The following DCHS2 variants were observed in gnomAD, a reference collection of about 807,000 sequenced individuals.
The protein encoded by DCHS2 is protocadherin-23.
Under a neutral mutation model 182.4 loss-of-function variants are expected in DCHS2, and 142 were observed. The ratio of observed to expected loss-of-function variants is 0.78; its 90% CI spans 0.68 to 0.89. The LOEUF (loss-of-function observed/expected upper bound fraction) is 0.89, where lower values mean the gene tolerates loss of function less well. Ranked by LOEUF, DCHS2 falls within the 40% of genes least tolerant of loss-of-function variation. The pLI is 0.00. For missense variants in DCHS2, 4,319 were observed against 4,198.6 expected (o/e 1.03, Z -0.79); for synonymous variants, 1,740 against 1,663.3 (o/e 1.05, Z -1.12).
At chr4:154,454,456 C>T (rs553734160) in intron 1 of DCHS2, among the ~76,000 whole-genome samples, 1 of 152,196 alleles carries the variant, frequency 6.6e-6, no homozygotes, top group South Asian at 2.1e-4. Flanking sequence ...GTTGCCCAGG[C>T]TAACAATCTA....
At chr4:154,371,167 A>G (rs1025380123) in intron 2 of DCHS2, among the ~76,000 whole-genome samples, 1 of 152,098 alleles carries the variant, frequency 6.6e-6, no homozygotes, top group Non-Finnish European at 1.5e-5. Flanking sequence ...ACAAAGTGTG[A>G]AAGTCCTAAG....
rs1484804650 is a variant in DCHS2, at chr4:154,239,289, T to C, written c.7373A>G (p.Glu2458Gly). Residue 2458 changes from glutamate (E) to glycine (G), a missense_variant, in exon 19 of 20, where the codon GAA (glutamate) becomes GGA (glycine). Coordinates refer to ENST00000357232, the MANE Select transcript of DCHS2 (RefSeq NM_001358235.2). Reference sequence around the variant, plus strand: ...CACTGAATACCCCACAGGTATTGATTCAGGAACTGTGACCTGAGGGAAAAA... The same window carrying C: ...CACTGAATACCCCACAGGTATTGATCCAGGAACTGTGACCTGAGGGAAAAA... Reference protein sequence around the residue: ...SQDFYQVTVPESIPVGYSVLT... With the variant: ...SQDFYQVTVPGSIPVGYSVLT... 6.2e-7 allele frequency: 1 copy of C among 1,612,480 alleles called. No individual in the cohort carries two copies. Among genetic ancestry groups the C allele is most frequent in the East Asian group, 2.2e-5 (1 of 44,770 alleles).
intron 13 of DCHS2, among the ~76,000 whole-genome samples, chr4:154,281,338 G>C (rs1164432016): frequency 6.6e-6 from 1 of 152,018 alleles, no homozygotes; most frequent in Non-Finnish European, 1.5e-5. Context: ...AAAGTTGCAG[G>C]ATACAAAAAT....
intron 1 of DCHS2, among the ~76,000 whole-genome samples, chr4:154,459,364 G>A (rs1475272344): frequency 6.6e-6 from 1 of 151,802 alleles, no homozygotes; most frequent in Non-Finnish European, 1.5e-5. Flanking sequence ...TTTCTTCAAA[G>A]GAATTTTACG....
intron 1 of DCHS2, among the ~76,000 whole-genome samples, chr4:154,410,696 G>A: frequency 6.6e-6 from 1 of 151,310 alleles, no homozygotes; most frequent in African/African-American, 2.4e-5. Flanking sequence ...GATAGGGACA[G>A]AAGCTTATTT....
In DCHS2 at chr4:154,491,495, T is replaced by A; in HGVS notation, c.-140A>T. The stretch of plus-strand genomic sequence containing the variant: ...GCAAACAAACCGACGGCCCAGGAAT[T>A]CCCGAGGTTACATCTGCAACTGGTG... On this transcript the variant is annotated 5_prime_UTR_variant, in exon 1 of 20. Transcript: ENST00000357232. The A allele has an allele frequency of 7.1e-7, 1 of 1,403,368 alleles. No individual in the cohort carries two copies. Among genetic ancestry groups the A allele is most frequent in the Non-Finnish European group, 9.2e-7 (1 of 1,084,518 alleles). The allele number at this position is 1,403,368 out of a possible 1,614,324, so 86.9% of individuals were successfully genotyped here.
At chr4:154,475,310 T>G (rs1735640251) in intron 1 of DCHS2, among the ~76,000 whole-genome samples, 1 of 152,180 alleles carries the variant, frequency 6.6e-6, no homozygotes, top group African/African-American at 2.4e-5. Context: ...ATCTTAAAAT[T>G]TATTAGCCAA....
Position 154,297,764 on chromosome 4 carries a change from G to A in DCHS2, c.6463+87C>T, listed in dbSNP as rs563805515. 194 of 1,512,262 alleles carry A rather than the reference G, an allele frequency of 1.3e-4. No individual in the cohort carries two copies. The African/African-American group carries it at 2.1e-3, about 16-fold the overall frequency. 93.7% of individuals were successfully genotyped at this position (1,512,262 alleles called of 1,614,324 possible). ...AACTAAAAAATGTATAACTGAATGC[G>A]CAATGGCACTCTTGTAGTATAATCC... On this transcript the variant is annotated intron_variant, in intron 13 of 19. Coordinates refer to ENST00000357232, the MANE Select transcript of DCHS2 (RefSeq NM_001358235.2).
intron 1 of DCHS2, among the ~76,000 whole-genome samples, chr4:154,428,193 T>C (rs1044121149): frequency 6.6e-6 from 1 of 151,824 alleles, no homozygotes; most frequent in African/African-American, 2.4e-5. Flanking sequence ...ATAAAGCAAG[T>C]CATACAAAAA....
In DCHS2 at chr4:154,367,201, C is replaced by T. The variant is rs185333561; in HGVS notation, c.2245-760G>A. 3.4e-3 allele frequency among the ~76,000 whole-genome samples: 521 copies of T among 152,286 alleles called. 1 individual carries two copies. The highest frequency in any genetic ancestry group is 6.0e-3 in the Non-Finnish European group (406 of 68,026). On this transcript the variant is annotated intron_variant, in intron 2 of 19. Transcript: ENST00000357232. ...GGTCTCTGGAAGGACATGGTTCTTCCTCACAGGAGGGCTTTGAGCACAAGA... is the reference window on the plus strand; with the variant it reads ...GGTCTCTGGAAGGACATGGTTCTTCTTCACAGGAGGGCTTTGAGCACAAGA...
chr4:154,293,493 C>A (rs1172342528), intron 13 of DCHS2, among the ~76,000 whole-genome samples: 1 of 152,064 alleles, frequency 6.6e-6, no homozygotes, highest in Non-Finnish European at 1.5e-5. Flanking sequence ...GTATTAGGAA[C>A]TTTTTAAATC....
At chr4:154,295,265 A>G (rs1274700709) in intron 13 of DCHS2, among the ~76,000 whole-genome samples, 2 of 152,226 alleles carry the variant, frequency 1.3e-5, no homozygotes, top group African/African-American at 4.8e-5. Flanking sequence ...CCTTCCCTAC[A>G]GCTAACTTGG....
intron 1 of DCHS2, among the ~76,000 whole-genome samples, chr4:154,404,567 ATTT>A (rs947017886): frequency 3.2e-4 from 48 of 152,240 alleles, no homozygotes; most frequent in African/African-American, 1.1e-3. Context: ...ATATTCTTGG[ATTT>A]TTTGTTTGTA....
chr4:154,269,679 G>T (rs1324376482), intron 14 of DCHS2, among the ~76,000 whole-genome samples: 1 of 152,104 alleles, frequency 6.6e-6, no homozygotes, highest in Non-Finnish European at 1.5e-5. Flanking sequence ...TGAAGGGCAG[G>T]ATAGACACTG....
At chr4:154,241,938 T>C (rs977478370) in intron 17 of DCHS2, among the ~76,000 whole-genome samples, 1 of 152,190 alleles carries the variant, frequency 6.6e-6, no homozygotes, top group African/African-American at 2.4e-5. Context: ...AATAAAATGT[T>C]AGAAACATTT....
At position 154,490,946 on chromosome 4, in the gene DCHS2, T is replaced by C; in HGVS notation, c.410A>G (p.Asp137Gly). The C allele has an allele frequency of 6.5e-7, 1 of 1,550,132 alleles. No homozygotes were observed. The highest frequency in any genetic ancestry group is 8.7e-7 in the Non-Finnish European group (1 of 1,146,358). The change falls in exon 1 of 20, where the codon GAC (aspartate) becomes GGC (glycine). Residue 137 changes from aspartate (D) to glycine (G), a missense_variant. Transcript: ENST00000357232. ...TARRLDRERRDHYSFVAATLL... is the reference protein window; with the variant it reads ...TARRLDRERRGHYSFVAATLL... ...CGTGGCGGCGACGAAGCTGTAGTGG[T>C]CCCGCCGCTCGCGGTCCAGGCGCCG...
chr4:154,360,511 G>A (rs1730071112), intron 3 of DCHS2, among the ~76,000 whole-genome samples: 3 of 152,090 alleles, frequency 2.0e-5, no homozygotes, highest in African/African-American at 4.8e-5. Context: ...ATAAGAGAAA[G>A]TCATCATTTA....
intron 1 of DCHS2, among the ~76,000 whole-genome samples, chr4:154,477,600 T>C (rs993496282): frequency 6.6e-6 from 1 of 152,212 alleles, no homozygotes; most frequent in Non-Finnish European, 1.5e-5. Context: ...ATTTGTGTTA[T>C]AGATTATTTG....
chr4:154,423,579 A>G (rs1368157550), intron 1 of DCHS2, among the ~76,000 whole-genome samples: 1 of 152,204 alleles, frequency 6.6e-6, no homozygotes, highest in African/African-American at 2.4e-5. Context: ...TATGCAATAC[A>G]TCACTCCAAT....
Sources: allele counts gnomAD v4.1 joint callset (sites outside exome capture counted in the v4.1 genomes callset), GRCh38; gene constraint gnomAD v4.1.1; transcripts MANE v1.5; gene names NCBI Gene and HGNC (gene_info 2026-07-23, HGNC 2026-07-21).